The following TIMP2 variants were observed in gnomAD, a reference collection of about 807,000 sequenced individuals.
TIMP2 encodes metalloproteinase inhibitor 2.
Under a neutral mutation model 24.3 loss-of-function variants are expected in TIMP2, and 5 were observed. The ratio of observed to expected loss-of-function variants is 0.21; its 90% CI spans 0.11 to 0.43. The LOEUF is 0.43. Ranked by LOEUF, TIMP2 falls within the 20% of genes least tolerant of loss-of-function variation. The pLI, the probability that TIMP2 is intolerant of heterozygous loss-of-function variation, is 1.00. For missense variants in TIMP2, 221 were observed against 297.5 expected, an observed-to-expected ratio of 0.74 and a Z score of 1.89; for synonymous variants, 130 against 123.2, an observed-to-expected ratio of 1.06 and a Z score of -0.37.
chr17:78,886,157 G>A (rs921040749), intron 1 of TIMP2, among the ~76,000 whole-genome samples: 2 of 152,186 alleles, frequency 1.3e-5, no homozygotes, highest in Non-Finnish European at 2.9e-5. Flanking sequence ...CAGTGCAGGT[G>A]TGACCGTCCG....
chr17:78,918,065 A>ACACACACAC (rs1555652947), intron 1 of TIMP2, among the ~76,000 whole-genome samples: 7 of 144,934 alleles, frequency 4.8e-5, no homozygotes, highest in Middle Eastern at 3.5e-3. Flanking sequence ...TGCACACACA[A>ACACACACAC]ACACACACAC....
At chr17:78,888,287 G>A (rs2069844898) in intron 1 of TIMP2, among the ~76,000 whole-genome samples, 1 of 151,572 alleles carries the variant, frequency 6.6e-6, no homozygotes, top group Non-Finnish European at 1.5e-5. Flanking sequence ...AGCCTCCTGA[G>A]TAGCTGGGAT....
intron 1 of TIMP2, chr17:78,892,084 C>T (rs1221942774): frequency 6.4e-7 from 1 of 1,551,900 alleles, no homozygotes; most frequent in East Asian, 2.4e-5. Context: ...GTCCTCCTCC[C>T]CAGCCCAACA....
At chr17:78,919,792 G>A (rs1425202537) in intron 1 of TIMP2, among the ~76,000 whole-genome samples, 4 of 151,944 alleles carry the variant, frequency 2.6e-5, no homozygotes, top group South Asian at 2.1e-4. Context: ...CCAAGATAGC[G>A]CCACTGCACT....
At chr17:78,879,560 T>A (rs1317154001) in intron 1 of TIMP2, among the ~76,000 whole-genome samples, 1 of 152,122 alleles carries the variant, frequency 6.6e-6, no homozygotes, top group African/African-American at 2.4e-5. Context: ...GCTGCTCTGC[T>A]CCTCTGCCCC....
At chr17:78,871,449 CAAAAAAAAAA>C (rs749440079) in intron 2 of TIMP2, among the ~76,000 whole-genome samples, 1 of 122,584 alleles carries the variant, frequency 8.2e-6, no homozygotes, top group African/African-American at 3.1e-5. Flanking sequence ...AAGACTCCGT[CAAAAAAAAAA>C]AAAAAAAAAA....
rs763606194 is a variant in TIMP2 at position 78,854,379 on chromosome 17, T to C, written c.*1288A>G. On this transcript the variant is annotated 3_prime_UTR_variant, in exon 5 of 5. Transcript: ENST00000262768. The stretch of plus-strand genomic sequence containing the variant: ...GTTCCCTAGTTCCCTAGGAAGTTTC[T>C]TAGCTAGGTAATCTTTGTCATTTAA... 11 of 151,896 alleles carry C rather than the reference T, an allele frequency of 7.2e-5. No individual in the cohort carries two copies. Among genetic ancestry groups the C allele is most frequent in the Non-Finnish European group, 1.2e-4 (8 of 68,018 alleles). The allele number at this position is 151,896 out of a possible 1,614,324, so 9.4% of individuals were successfully genotyped here. A position where few individuals can be genotyped will look rare whatever the true frequency, so the allele number is the denominator to read the frequency against.
chr17:78,893,116 C>CACATGTGTGTGCAGGGGTGTGTGTGCGT, intron 1 of TIMP2, among the ~76,000 whole-genome samples: 1 of 143,138 alleles, frequency 7.0e-6, no homozygotes, highest in Non-Finnish European at 1.5e-5. Flanking sequence ...TGTGCACATG[C>CACATGTGTGTGCAGGGGTGTGTGTGCGT]ACATGTGTGT....
rs1280140366 is a variant in TIMP2 at position 78,893,420 on chromosome 17, TGTGTGTGC to T, written c.131-19509_131-19502del. ...ATGCAGGGGTGTGTGTGCATAGGGG[TGTGTGTGC>T]AGGGGTGTGTGCGTGGGGCTGTGTG... On this transcript the variant is annotated intron_variant, in intron 1 of 4. Transcript: ENST00000262768. Among the ~76,000 whole-genome samples, 447 of 122,484 alleles carry T rather than the reference TGTGTGTGC, an allele frequency of 3.6e-3. 10 individuals carry two copies. Among genetic ancestry groups the T allele is most frequent in the African/African-American group, 0.013 (299 of 22,960 alleles). 80.4% of individuals were successfully genotyped at this position (122,484 alleles called of 152,430 possible).
At chr17:78,908,900 C>T (rs935865957) in intron 1 of TIMP2, among the ~76,000 whole-genome samples, 1 of 152,160 alleles carries the variant, frequency 6.6e-6, no homozygotes, top group African/African-American at 2.4e-5. Context: ...TTGGCATACT[C>T]AGTTTCTGCC....
intron 1 of TIMP2, among the ~76,000 whole-genome samples, chr17:78,919,065 C>G (rs1005086450): frequency 6.6e-6 from 1 of 152,200 alleles, no homozygotes; most frequent in Non-Finnish European, 1.5e-5. Context: ...CGAGGCTGTA[C>G]TGGGCACCCC....
intron 3 of TIMP2, among the ~76,000 whole-genome samples, chr17:78,867,372 C>G (rs188878050): frequency 6.6e-6 from 1 of 152,174 alleles, no homozygotes; most frequent in Non-Finnish European, 1.5e-5. Flanking sequence ...TCTTGATGAC[C>G]GAGATACCCA....
chr17:78,919,171 G>A (rs1036579390), intron 1 of TIMP2, among the ~76,000 whole-genome samples: 1 of 152,224 alleles, frequency 6.6e-6, no homozygotes, highest in Non-Finnish European at 1.5e-5. Context: ...GCTCCAGCAC[G>A]CGGAGTTAGG....
intron 1 of TIMP2, among the ~76,000 whole-genome samples, chr17:78,918,078 A>ACACACT (rs1555652980): frequency 9.6e-4 from 143 of 149,092 alleles, no homozygotes; most frequent in East Asian, 1.4e-3. Context: ...ACACACACAC[A>ACACACT]CACACACACA....
At chr17:78,860,804 G>T (rs1198681723) in intron 3 of TIMP2, among the ~76,000 whole-genome samples, 1 of 152,116 alleles carries the variant, frequency 6.6e-6, no homozygotes, top group Non-Finnish European at 1.5e-5. Flanking sequence ...AGGAGGCCAG[G>T]GTGGGCAGAT....
chr17:78,856,205 G>T (rs760288969), intron 4 of TIMP2: 4 of 328,828 alleles, frequency 1.2e-5, no homozygotes, highest in Non-Finnish European at 2.3e-5. Context: ...GGGTTTCCTG[G>T]AGACAGATTC....
intron 1 of TIMP2, chr17:78,892,131 G>A (rs1405912676): frequency 1.3e-6 from 2 of 1,550,956 alleles, no homozygotes; most frequent in Admixed American, 3.9e-5. Context: ...CCACCGACGT[G>A]CAGGTGCTGT....
Position 78,920,121 on chromosome 17 carries a change from A to T in TIMP2, c.130+4838T>A, listed in dbSNP as rs536211899. Among the ~76,000 whole-genome samples, 26 of 152,310 alleles carry T rather than the reference A, an allele frequency of 1.7e-4. No individual in the cohort carries two copies. The highest frequency in any genetic ancestry group is 6.8e-3 in the Middle Eastern group (2 of 294). ...CACACGACCCCCACTGCATCGAGTC[A>T]GTGGTTCTGCATCAGGACTGGAGAC... On this transcript the variant is annotated intron_variant, in intron 1 of 4. Coordinates refer to ENST00000262768, the MANE Select transcript of TIMP2 (RefSeq NM_003255.5). This position sits in a 1 kb window ranked among gnomAD's most constrained non-coding sequence, Gnocchi z 4.5.
At chr17:78,858,239 G>A (rs1249508115) in intron 3 of TIMP2, among the ~76,000 whole-genome samples, 1 of 152,010 alleles carries the variant, frequency 6.6e-6, no homozygotes, top group East Asian at 1.9e-4. Context: ...TCAGGAGATC[G>A]AGACCATCCT....
Sources: gnomAD v4.1 joint callset for allele counts (sites outside exome capture counted in the v4.1 genomes callset) on GRCh38, gnomAD v4.1.1 for gene constraint, Gnocchi (gnomAD v3.1) non-coding constraint, MANE v1.5 for transcripts, NCBI Gene and HGNC (gene_info 2026-07-23, HGNC 2026-07-21) for gene names.